The following PARVB variants were observed in gnomAD, a reference collection of about 807,000 sequenced individuals.
PARVB encodes beta-parvin.
A neutral mutation model predicts 47.0 loss-of-function variants in PARVB; 46 were observed. The observed-to-expected ratio is 0.98, with a 90% CI of 0.77 to 1.25. PARVB has a LOEUF of 1.25. Among genes scored for constraint, PARVB ranks in the 50% most tolerant of loss-of-function variants. The pLI, the probability that PARVB is intolerant of heterozygous loss-of-function variation, is 0.00. For missense variants in PARVB, 473 were observed against 471.6 expected, an observed-to-expected ratio of 1.00 and a Z score of -0.03; for synonymous variants, 196 against 196.3, an observed-to-expected ratio of 1.00 and a Z score of 0.01.
chr22:44,018,096 C>A (rs137978936), intron 2 of PARVB, among the ~76,000 whole-genome samples: 11 of 152,268 alleles, frequency 7.2e-5, no homozygotes, highest in Admixed American at 2.0e-4. Context: ...CACAATCCCA[C>A]TGAGATGTCA....
At chr22:44,072,565 C>T (rs768822617) in intron 1 of PARVB, among the ~76,000 whole-genome samples, 2 of 152,208 alleles carry the variant, frequency 1.3e-5, no homozygotes, top group East Asian at 3.9e-4. Context: ...CTTAGCCTCC[C>T]GAGTAGCTGG....
intron 2 of PARVB, among the ~76,000 whole-genome samples, chr22:44,094,782 C>T (rs552699801): frequency 3.3e-5 from 5 of 151,748 alleles, no homozygotes; most frequent in African/African-American, 7.3e-5. Flanking sequence ...TGAGCCACTG[C>T]GCCTGGCCCC....
At chr22:44,029,866 C>A (rs927738863) in intron 1 of PARVB, among the ~76,000 whole-genome samples, 1 of 151,668 alleles carries the variant, frequency 6.6e-6, no homozygotes, top group African/African-American at 2.4e-5. Context: ...GCTGAGATCG[C>A]GCCACTGCAC....
intron 1 of PARVB, among the ~76,000 whole-genome samples, chr22:44,056,929 GGGCT>G (rs1356996560): frequency 1.0e-5 from 1 of 99,690 alleles, no homozygotes; most frequent in Non-Finnish European, 2.1e-5. Flanking sequence ...ACCGAGCTGG[GGGCT>G]GAGCTGGGGG....
At chr22:44,149,050 A>G (rs1439248176) in intron 9 of PARVB, 1 of 152,118 alleles carries the variant, frequency 6.6e-6, no homozygotes, top group South Asian at 2.1e-4. Context: ...CCCACTTATC[A>G]GCTGTGTGAC....
intron 10 of PARVB, among the ~76,000 whole-genome samples, chr22:44,156,708 A>G (rs1161058803): frequency 6.6e-6 from 1 of 152,252 alleles, no homozygotes; most frequent in South Asian, 2.1e-4. Context: ...GTTATGGTAT[A>G]TTTTATGGTA....
intron 3 of PARVB, chr22:44,115,506 A>T (rs2052863328): frequency 2.6e-5 from 1 of 39,060 alleles, no homozygotes; most frequent in Admixed American, 2.0e-4. Context: ...GCCCTGCACC[A>T]GAACGGATAC....
chr22:44,065,867 G>GTGTA (rs757586738), intron 1 of PARVB, among the ~76,000 whole-genome samples: 33 of 152,122 alleles, frequency 2.2e-4, no homozygotes, highest in Non-Finnish European at 5.9e-5. Context: ...GCATGTGTGT[G>GTGTA]TGTGTGTGTG....
chr22:44,086,571 A>G (rs918225231), intron 1 of PARVB: 8 of 166,192 alleles, frequency 4.8e-5, no homozygotes, highest in Non-Finnish European at 8.7e-5. Flanking sequence ...CCCTCCAATC[A>G]CCTTCCTTCT....
intron 4 of PARVB, among the ~76,000 whole-genome samples, chr22:44,129,460 CG>C (rs1313155127): frequency 5.9e-5 from 9 of 152,198 alleles, no homozygotes; most frequent in African/African-American, 1.9e-4. Context: ...GTTCAGTCTG[CG>C]GGGCCGGATG....
At chr22:44,043,933 A>C (rs528607593) in intron 1 of PARVB, among the ~76,000 whole-genome samples, 115 of 152,246 alleles carry the variant, frequency 7.6e-4, no homozygotes, top group African/African-American at 2.6e-3. Flanking sequence ...CAGTGGTGGC[A>C]GCTGTCCCAT....
rs931362211 is a variant in PARVB at position 44,168,503 on chromosome 22, C to T, written c.1019-99C>T. The T allele has an allele frequency of 1.5e-4, 118 of 795,144 alleles. 1 individual carries two copies. The East Asian group carries it at 2.7e-3, about 18-fold the overall frequency. The allele number at this position is 795,144 out of a possible 1,614,324, so 49.3% of individuals were successfully genotyped here. The stretch of plus-strand genomic sequence containing the variant: ...TAAGGGGAAGCGCTGTGTGTGGATG[C>T]GGCAGCTGGTGTCATGCTGGAGACG... On this transcript the variant is annotated intron_variant, in intron 12 of 12. Transcript: ENST00000338758.
chr22:44,043,092 A>T (rs1292232406), intron 1 of PARVB, among the ~76,000 whole-genome samples: 3 of 152,212 alleles, frequency 2.0e-5, no homozygotes. Context: ...TGACATATGG[A>T]TCCATGCTAC....
intron 3 of PARVB, among the ~76,000 whole-genome samples, chr22:44,116,434 C>T (rs545353398): frequency 6.6e-5 from 10 of 152,222 alleles, no homozygotes; most frequent in African/African-American, 2.2e-4. Flanking sequence ...AAACTGTGGG[C>T]GTCCGTGTGT....
chr22:44,072,702 A>G (rs981391695), intron 1 of PARVB, among the ~76,000 whole-genome samples: 11 of 152,130 alleles, frequency 7.2e-5, no homozygotes, highest in African/African-American at 2.7e-4. Flanking sequence ...TTGGCCTCCC[A>G]AAGTTGCTGG....
chr22:44,127,269 GA>G (rs1400012115), intron 4 of PARVB, among the ~76,000 whole-genome samples: 6 of 149,828 alleles, frequency 4.0e-5, no homozygotes, highest in Non-Finnish European at 7.4e-5. Context: ...TTTTTGTACT[GA>G]AAAAAAGAAC....
At chr22:44,061,004 G>C (rs139542642) in intron 1 of PARVB, among the ~76,000 whole-genome samples, 217 of 152,218 alleles carry the variant, frequency 1.4e-3, no homozygotes, top group African/African-American at 5.1e-3. Context: ...TTGAGCTCAC[G>C]GCCAACAGCA....
At chr22:44,102,502 C>T (rs2052471897) in intron 3 of PARVB, among the ~76,000 whole-genome samples, 2 of 152,112 alleles carry the variant, frequency 1.3e-5, no homozygotes, top group South Asian at 4.1e-4. Flanking sequence ...AAACAACACC[C>T]TGGGGAGCTG....
At chr22:44,165,861 A>G (rs1429886845) in intron 12 of PARVB, among the ~76,000 whole-genome samples, 2 of 152,122 alleles carry the variant, frequency 1.3e-5, no homozygotes, top group Admixed American at 1.3e-4. Context: ...CCCACAGAAC[A>G]CACCAGGTCC....
Sources: allele counts gnomAD v4.1 joint callset (sites outside exome capture counted in the v4.1 genomes callset), GRCh38; gene constraint gnomAD v4.1.1; transcripts MANE v1.5; gene names NCBI Gene and HGNC (gene_info 2026-07-23, HGNC 2026-07-21).